DNAH14: variants seen among roughly 807,000 people sequenced by gnomAD.
DNAH14 encodes axonemal beta dynein heavy chain 14.
In DNAH14, 478 loss-of-function variants were observed where a neutral mutation model predicts 520.9. That is an observed-to-expected ratio of 0.92 (90% confidence interval 0.85 to 0.99). The LOEUF is 0.99. DNAH14 is among the 50% of genes least tolerant of loss of function. DNAH14 has a pLI of 0.00. For synonymous variants in DNAH14, 1,581 were observed against 1,757.2 expected (o/e 0.90, Z 2.51); for missense variants, 4,831 against 5,234.5 (o/e 0.92, Z 2.38).
intron 27 of DNAH14, among the ~76,000 whole-genome samples, chr1:225,128,303 C>A (rs958450334): frequency 6.6e-6 from 1 of 151,978 alleles, no homozygotes; most frequent in African/African-American, 2.4e-5. Flanking sequence ...GGAATCCTCC[C>A]TAACTCATTT....
chr1:224,968,547 A>C (rs2061329052), intron 6 of DNAH14, among the ~76,000 whole-genome samples: 1 of 152,142 alleles, frequency 6.6e-6, no homozygotes, highest in Non-Finnish European at 1.5e-5. Flanking sequence ...AAGAAATAGC[A>C]TTAGAAAACG....
intron 3 of DNAH14, among the ~76,000 whole-genome samples, chr1:224,956,855 TC>T (rs1330683255): frequency 1.3e-5 from 2 of 152,020 alleles, no homozygotes; most frequent in Non-Finnish European, 2.9e-5. Flanking sequence ...GGACAAAGCT[TC>T]CCCTCCAACA....
rs2095371105 is a variant in DNAH14 at position 225,351,974 on chromosome 1, T to A, written c.11533+91T>A. On this transcript the variant is annotated intron_variant, in intron 72 of 85. Transcript: ENST00000682510. ...GTAAATGTCGTACATTATCTTACATTATGAAAAAATTGAAGGGAGGACTAT... is the reference window on the plus strand; with the variant it reads ...GTAAATGTCGTACATTATCTTACATAATGAAAAAATTGAAGGGAGGACTAT... 4.8e-6 allele frequency: 5 copies of A among 1,042,570 alleles called. No individual in the cohort carries two copies. The East Asian group carries it at 7.9e-5, about 17-fold the overall frequency. The allele number at this position is 1,042,570 out of a possible 1,614,324, so 64.6% of individuals were successfully genotyped here.
intron 36 of DNAH14, among the ~76,000 whole-genome samples, chr1:225,181,472 A>G (rs914781905): frequency 2.0e-5 from 3 of 152,218 alleles, no homozygotes; most frequent in African/African-American, 7.2e-5. Flanking sequence ...CCTTTTCTCT[A>G]CAGCATCACC....
At chr1:225,014,617 T>A (rs2065064048) in intron 10 of DNAH14, among the ~76,000 whole-genome samples, 1 of 152,186 alleles carries the variant, frequency 6.6e-6, no homozygotes, top group Non-Finnish European at 1.5e-5. Context: ...CTTCAGCTGT[T>A]TCTCTTGTTA....
Position 224,938,579 on chromosome 1 carries a change from T to A in DNAH14, c.-34+8744T>A, listed in dbSNP as rs536930339. ...GAATGTGGAGTAAGGAGAATCCTCATACACTGTTGGTGGGAATGTAAGTTA... is the reference window on the plus strand; with the variant it reads ...GAATGTGGAGTAAGGAGAATCCTCAAACACTGTTGGTGGGAATGTAAGTTA... On this transcript the variant is annotated intron_variant, in intron 1 of 85. Coordinates refer to ENST00000682510, the MANE Select transcript of DNAH14 (RefSeq NM_001367479.1). Among the ~76,000 whole-genome samples the A allele has an allele frequency of 8.1e-4, 124 of 152,314 alleles. No homozygotes were observed. The Middle Eastern group carries it at 0.024, about 29-fold the overall frequency.
chr1:225,135,177 A>G (rs1362395530), intron 27 of DNAH14, among the ~76,000 whole-genome samples: 2 of 150,496 alleles, frequency 1.3e-5, no homozygotes, highest in African/African-American at 2.4e-5. Context: ...GATCTTGGTT[A>G]TTTCTTCTCT....
intron 54 of DNAH14, among the ~76,000 whole-genome samples, chr1:225,279,858 C>T (rs893505015): frequency 6.6e-6 from 1 of 151,142 alleles, no homozygotes; most frequent in African/African-American, 2.4e-5. Flanking sequence ...TGGCAGATAT[C>T]CGAAATACAG....
intron 36 of DNAH14, among the ~76,000 whole-genome samples, chr1:225,182,716 G>A (rs2084191292): frequency 6.6e-6 from 1 of 152,092 alleles, no homozygotes; most frequent in African/African-American, 2.4e-5. Flanking sequence ...GCCCTGCCAC[G>A]ATAAAAGACA....
chr1:224,991,661 CT>C (rs1005907895), intron 8 of DNAH14, among the ~76,000 whole-genome samples: 4 of 152,022 alleles, frequency 2.6e-5, no homozygotes, highest in African/African-American at 9.6e-5. Context: ...TTTTTCTTTC[CT>C]TTTTTTCTTT....
intron 20 of DNAH14, 85 bp downstream of exon 20, chr1:225,082,824 G>A (rs995139279): frequency 4.5e-6 from 5 of 1,123,012 alleles, no homozygotes; most frequent in Non-Finnish European, 6.3e-6. Context: ...ACAATGGATA[G>A]GAATTAGGAA....
chr1:225,143,541 G>T (rs2079639464), intron 28 of DNAH14, among the ~76,000 whole-genome samples: 1 of 152,150 alleles, frequency 6.6e-6, no homozygotes, highest in South Asian at 2.1e-4. Context: ...TATGTTGAGA[G>T]TGAGTGGAAT....
intron 35 of DNAH14, among the ~76,000 whole-genome samples, chr1:225,162,998 C>A (rs185901077): frequency 2.0e-5 from 3 of 151,738 alleles, no homozygotes; most frequent in African/African-American, 7.2e-5. Context: ...ATTAGCGGGG[C>A]GTGGTGGCAC....
At chr1:225,018,714 C>T (rs1414982333) in intron 10 of DNAH14, among the ~76,000 whole-genome samples, 1 of 152,182 alleles carries the variant, frequency 6.6e-6, no homozygotes, top group Non-Finnish European at 1.5e-5. Flanking sequence ...TTAGCAGAAA[C>T]CTTACAAGTC....
At chr1:224,957,285 A>C (rs1019787809) in intron 3 of DNAH14, among the ~76,000 whole-genome samples, 1 of 152,126 alleles carries the variant, frequency 6.6e-6, no homozygotes, top group Non-Finnish European at 1.5e-5. Flanking sequence ...TCCTAAAAAA[A>C]GGTCAGGAGT....
chr1:225,144,660 T>C, intron 29 of DNAH14, 32 bp downstream of exon 29: 1 of 1,497,444 alleles, frequency 6.7e-7, no homozygotes, highest in South Asian at 1.2e-5. Flanking sequence ...AATAAAAACT[T>C]TTTTCTTTTT....
chr1:224,930,740 G>A (rs767489383), intron 1 of DNAH14, among the ~76,000 whole-genome samples: 4 of 152,138 alleles, frequency 2.6e-5, no homozygotes, highest in Non-Finnish European at 4.4e-5. Context: ...TGGGACTACA[G>A]GCGTCCTCCA....
At chr1:225,203,641 T>TA (rs1456223945) in intron 38 of DNAH14, among the ~76,000 whole-genome samples, 1 of 152,136 alleles carries the variant, frequency 6.6e-6, no homozygotes, top group Non-Finnish European at 1.5e-5. Flanking sequence ...TTCTCAAAGG[T>TA]TGGTGTAAAA....
intron 38 of DNAH14, among the ~76,000 whole-genome samples, chr1:225,202,704 A>G (rs1405833486): frequency 6.6e-6 from 1 of 152,188 alleles, no homozygotes; most frequent in Non-Finnish European, 1.5e-5. Context: ...AGTTCTGACC[A>G]GGAGACTTCT....
Sources: allele counts gnomAD v4.1 joint callset (sites outside exome capture counted in the v4.1 genomes callset), GRCh38; gene constraint gnomAD v4.1.1; transcripts MANE v1.5; gene names NCBI Gene and HGNC (gene_info 2026-07-23, HGNC 2026-07-21).